The following GOLT1A variants were observed in gnomAD, a reference collection of about 807,000 sequenced individuals.
GOLT1A encodes the protein golgi transport 1A.
Under a neutral mutation model 16.1 loss-of-function variants are expected in GOLT1A, and 10 were observed. That is an observed-to-expected ratio of 0.62 (90% CI 0.38 to 1.05). The LOEUF is 1.05. Ranked by LOEUF, GOLT1A falls within the 50% of genes least tolerant of loss-of-function variation. GOLT1A has a pLI of 0.01. For synonymous variants in GOLT1A, 60 were observed against 67.9 expected (o/e 0.88, Z 0.57); for missense variants, 137 against 165.7 (o/e 0.83, Z 0.95).
Position 204,213,969 on chromosome 1 carries a change from C to G in GOLT1A, c.-63G>C. The G allele has an allele frequency of 6.3e-7, 1 of 1,579,116 alleles. No homozygotes were observed. Among genetic ancestry groups the G allele is most frequent in the Middle Eastern group, 1.7e-4 (1 of 6,006 alleles). On this transcript the variant is annotated 5_prime_UTR_variant, in exon 1 of 5. Coordinates refer to ENST00000308302, the MANE Select transcript of GOLT1A (RefSeq NM_198447.2). ...GGCAAGTGGAGCGTGGCCCAGAGGA[C>G]GCAGCTGGTACATGGTCACGGGAAG...
At chr1:204,213,508 C>G (rs1201646826) in intron 1 of GOLT1A, among the ~76,000 whole-genome samples, 1 of 152,186 alleles carries the variant, frequency 6.6e-6, no homozygotes, top group Non-Finnish European at 1.5e-5. Context: ...TTATAAGAAG[C>G]CCCCAGGGCC....
At chr1:204,210,254 C>G (rs1315800263) in intron 1 of GOLT1A, among the ~76,000 whole-genome samples, 1 of 152,190 alleles carries the variant, frequency 6.6e-6, no homozygotes, top group Non-Finnish European at 1.5e-5. Flanking sequence ...GGTTTGTGCA[C>G]AACACGTTCT....
At chr1:204,212,869 A>G (rs1659161384) in intron 1 of GOLT1A, among the ~76,000 whole-genome samples, 1 of 152,084 alleles carries the variant, frequency 6.6e-6, no homozygotes, top group Admixed American at 6.5e-5. Flanking sequence ...ACTTTGCTCC[A>G]GGTATACCCA....
At chr1:204,202,747 G>T in intron 2 of GOLT1A, 149 bp downstream of exon 2, 1 of 646,418 alleles carries the variant, frequency 1.5e-6, no homozygotes, top group Non-Finnish European at 2.8e-6. Flanking sequence ...CCCTGGATAG[G>T]CATGGTCTGA....
At chr1:204,212,350 C>T (rs925474715) in intron 1 of GOLT1A, among the ~76,000 whole-genome samples, 9 of 152,114 alleles carry the variant, frequency 5.9e-5, no homozygotes, top group African/African-American at 2.2e-4. Context: ...GACTGGCTTC[C>T]CTGGCTGGGC....
At chr1:204,208,072 G>C (rs1034466923) in intron 1 of GOLT1A, among the ~76,000 whole-genome samples, 2 of 152,112 alleles carry the variant, frequency 1.3e-5, no homozygotes, top group African/African-American at 4.8e-5. Flanking sequence ...ATGTAAACTA[G>C]AATAGCCACT....
intron 3 of GOLT1A, 31 bp from the exon 4 acceptor site, chr1:204,199,289 G>A: frequency 6.4e-7 from 1 of 1,564,418 alleles, no homozygotes; most frequent in South Asian, 1.2e-5. Context: ...GGAGGAGTCA[G>A]TGATGGCCCA....
chr1:204,203,915 A>G (rs1257494430), intron 1 of GOLT1A, among the ~76,000 whole-genome samples: 1 of 152,200 alleles, frequency 6.6e-6, no homozygotes, highest in Non-Finnish European at 1.5e-5. Flanking sequence ...CAGCAAGCGT[A>G]GCCTAGAAGT....
chr1:204,212,088 G>A (rs1183893081), intron 1 of GOLT1A, among the ~76,000 whole-genome samples: 1 of 152,052 alleles, frequency 6.6e-6, no homozygotes, highest in African/African-American at 2.4e-5. Flanking sequence ...CCACCTACCT[G>A]ACATCTCACC....
rs1658893821 is a variant in GOLT1A, at chr1:204,198,294, G to A, written c.*164C>T. 1 of 640,350 alleles carries A rather than the reference G, an allele frequency of 1.6e-6. No homozygotes were observed. The highest frequency in any genetic ancestry group is 2.7e-6 in the Non-Finnish European group (1 of 371,036). The allele number at this position is 640,350 out of a possible 1,614,324, so 39.7% of individuals were successfully genotyped here. A position where few individuals can be genotyped will look rare whatever the true frequency, so the allele number is the denominator to read the frequency against. On this transcript the variant is annotated 3_prime_UTR_variant, in exon 5 of 5. Coordinates refer to ENST00000308302, the MANE Select transcript of GOLT1A (RefSeq NM_198447.2). ...TCCTGGCAGCCTCTTGAGTCGACTTGGGGATTTGACGTCAGTTGCTCAGCT... is the reference window on the plus strand; with the variant it reads ...TCCTGGCAGCCTCTTGAGTCGACTTAGGGATTTGACGTCAGTTGCTCAGCT...
At position 204,213,920 on chromosome 1, in the gene GOLT1A, TG is replaced by T. The variant is rs747931447; in HGVS notation, c.-15del. On this transcript the variant is annotated 5_prime_UTR_variant, in exon 1 of 5. The change abolishes the stop of an existing upstream ORF in the 5' untranslated region. Coordinates refer to ENST00000308302, the MANE Select transcript of GOLT1A (RefSeq NM_198447.2). The stretch of plus-strand genomic sequence containing the variant: ...GATGGAGATCATGCCGCACTCAGCC[TG>T]GGGGGCTTTCCGGGTGGAAGCGGGC... 194 of 1,612,612 alleles carry T rather than the reference TG, an allele frequency of 1.2e-4. No homozygotes were observed. The highest frequency in any genetic ancestry group is 1.6e-4 in the Non-Finnish European group (191 of 1,179,606).
At chr1:204,200,299 GTATATATATA>G (rs141284578) in intron 3 of GOLT1A, among the ~76,000 whole-genome samples, 4 of 82,684 alleles carry the variant, frequency 4.8e-5, no homozygotes, top group Non-Finnish European at 7.0e-5. Context: ...ACATATATGT[GTATATATATA>G]TATATATATA....
Position 204,201,652 on chromosome 1 carries a change from C to T in GOLT1A, c.277G>A (p.Gly93Arg), listed in dbSNP as rs748780832. 3.5e-5 allele frequency: 56 copies of T among 1,613,954 alleles called. No homozygotes were observed. In the South Asian group the frequency reaches 4.9e-4, roughly 14 times the overall value. The change falls in exon 3 of 5, where the codon GGA (glycine) becomes AGA (arginine). Residue 93 changes from glycine to arginine, a missense_variant. By Grantham distance (125) the Gly-to-Arg change is moderately radical (BLOSUM62 -2). Transcript: ENST00000308302. ...PLLGMFLETY[G>R]FFSLFKGFFP... ...ACTCACTTAAAGAGGCTGAAGAATC[C>T]GTAGGTTTCCAGGAACATGCCGAGG...
chr1:204,208,412 A>ATG (rs1339460254), intron 1 of GOLT1A, among the ~76,000 whole-genome samples: 2 of 47,114 alleles, frequency 4.2e-5, no homozygotes, highest in East Asian at 6.4e-4. Context: ...ATATGTATAT[A>ATG]TGTATACATA....
At position 204,201,797 on chromosome 1, in the gene GOLT1A, C is replaced by T. The variant is rs541877298; in HGVS notation, c.132G>A (p.Thr44=). The change falls in exon 3 of 5, where the codon ACG becomes ACA. Residue 44 remains threonine, a synonymous_variant. Transcript: ENST00000308302. ...TCAGGCCAATGATGAGGGACAGGCC[C>T]GTCAGGAACAGCAGCTGTAGGGGAG... ...LLAFGNLLFL[T]GLSLIIGLRK... The T allele has an allele frequency of 1.7e-5, 28 of 1,613,964 alleles. No individual in the cohort carries two copies. Among genetic ancestry groups the T allele is most frequent in the South Asian group, 9.9e-5 (9 of 91,070 alleles).
rs536405481 is a variant in GOLT1A at position 204,204,200 on chromosome 1, C to T, written c.26-1213G>A. Among the ~76,000 whole-genome samples the T allele has an allele frequency of 2.0e-5, 3 of 152,078 alleles. No individual in the cohort carries two copies. In the East Asian group the frequency reaches 5.8e-4, roughly 29 times the overall value. On this transcript the variant is annotated intron_variant, in intron 1 of 4. Transcript: ENST00000308302. ...AACGTGCACATAAAATGAGACTTACCATCTAACCATTTAAAAATGTACAGT... is the reference window on the plus strand; with the variant it reads ...AACGTGCACATAAAATGAGACTTACTATCTAACCATTTAAAAATGTACAGT...
At chr1:204,198,843 G>A in intron 4 of GOLT1A, 2 of 476,616 alleles carry the variant, frequency 4.2e-6, no homozygotes, top group Non-Finnish European at 3.7e-6. Context: ...CATGCCTGGG[G>A]CCCGCACTTA....
chr1:204,213,933 G>T lies in GOLT1A; in HGVS notation c.-27C>A, dbSNP rs1423245226. The T allele has an allele frequency of 2.5e-6, 4 of 1,611,252 alleles. No individual in the cohort carries two copies. Among genetic ancestry groups the T allele is most frequent in the Middle Eastern group, 1.7e-4 (1 of 6,058 alleles). ...CCGCACTCAGCCTGGGGGGCTTTCCGGGTGGAAGCGGGCAAGTGGAGCGTG... is the reference window on the plus strand; with the variant it reads ...CCGCACTCAGCCTGGGGGGCTTTCCTGGTGGAAGCGGGCAAGTGGAGCGTG... On this transcript the variant is annotated 5_prime_UTR_variant, in exon 1 of 5. Transcript: ENST00000308302.
chr1:204,199,496 CT>C (rs1216097742), intron 3 of GOLT1A, among the ~76,000 whole-genome samples: 15 of 152,312 alleles, frequency 9.8e-5, no homozygotes, highest in Admixed American at 9.8e-4. Flanking sequence ...ACCATATACA[CT>C]TGGGCAAATT....
Sources: gnomAD v4.1 joint callset for allele counts (sites outside exome capture counted in the v4.1 genomes callset) on GRCh38, gnomAD v4.1.1 for gene constraint, MANE v1.5 for transcripts, NCBI Gene and HGNC (gene_info 2026-07-23, HGNC 2026-07-21) for gene names.